Variants in UFL1 observed in about 807,000 individuals in gnomAD.
The protein encoded by UFL1 is UFM1 specific ligase 1.
Under a neutral mutation model 99.3 loss-of-function variants are expected in UFL1, and 78 were observed. The ratio of observed to expected loss-of-function variants is 0.79; its 90% CI spans 0.65 to 0.95. The LOEUF is 0.95. Among genes scored for constraint, UFL1 ranks in the 40% least tolerant of loss-of-function variants. The pLI is 0.00. For missense variants in UFL1, 936 were observed against 937.0 expected, an observed-to-expected ratio of 1.00 and a Z score of 0.01; for synonymous variants, 335 against 322.2, an observed-to-expected ratio of 1.04 and a Z score of -0.42.
intron 6 of UFL1, among the ~76,000 whole-genome samples, chr6:96,532,650 T>C (rs1252804115): frequency 3.3e-5 from 5 of 152,220 alleles, no homozygotes; most frequent in Non-Finnish European, 7.3e-5. Context: ...TCTTTCACTA[T>C]GTGATTTATT....
In UFL1 at chr6:96,551,861, T is replaced by C. The variant is rs745677131; in HGVS notation, c.1923T>C (p.Cys641=). 4.9e-5 allele frequency: 79 copies of C among 1,607,950 alleles called. No homozygotes were observed. The highest frequency in any genetic ancestry group is 1.7e-4 in the Middle Eastern group (1 of 6,026). The part of the protein sequence containing the change: ...NEKSIEDFIS[C]LDSAAEACDI... ...AGAGCATAGAAGACTTTATTTCTTG[T>C]CTGGATTCTGCAGCAGAAGCTTGTG... Residue 641 remains cysteine (C), a synonymous_variant, in exon 17 of 19, where the codon TGT becomes TGC. Transcript: ENST00000369278.
At chr6:96,547,810 G>T (rs367750612) in intron 12 of UFL1, among the ~76,000 whole-genome samples, 26 of 148,312 alleles carry the variant, frequency 1.8e-4, no homozygotes, top group East Asian at 1.2e-3. Context: ...AGGGAAGTTG[G>T]GGGGGGGCGG....
intron 6 of UFL1, among the ~76,000 whole-genome samples, chr6:96,529,996 A>G (rs531696473): frequency 1.4e-4 from 21 of 152,164 alleles, no homozygotes; most frequent in Non-Finnish European, 2.1e-4. Flanking sequence ...CTATATAACT[A>G]TAATACAGTC....
rs1024399284 is a variant in UFL1 at position 96,552,786 on chromosome 6, A to G, written c.2166+124A>G. On this transcript the variant is annotated intron_variant, in intron 18 of 18. Coordinates refer to ENST00000369278, the MANE Select transcript of UFL1 (RefSeq NM_015323.5). ...ACATTAACATCAAAGCCCATTTCCA[A>G]TAATGTGAACAGTGGATTAGGAGAT... 1.2e-5 allele frequency: 10 copies of G among 867,824 alleles called. No individual in the cohort carries two copies. The East Asian group carries it at 2.6e-4, about 23-fold the overall frequency. The allele number at this position is 867,824 out of a possible 1,614,324, so 53.8% of individuals were successfully genotyped here. A position where few individuals can be genotyped will look rare whatever the true frequency, so the allele number is the denominator to read the frequency against.
intron 4 of UFL1, among the ~76,000 whole-genome samples, chr6:96,525,772 G>A (rs920827042): frequency 6.6e-6 from 1 of 150,752 alleles, no homozygotes; most frequent in Admixed American, 6.6e-5. Flanking sequence ...AACGTAAAAC[G>A]TAACTTTTAC....
chr6:96,537,789 C>T (rs1396044455), intron 9 of UFL1, among the ~76,000 whole-genome samples: 1 of 151,872 alleles, frequency 6.6e-6, no homozygotes, highest in Non-Finnish European at 1.5e-5. Flanking sequence ...ATATAACACT[C>T]CTGTTAATCC....
In UFL1 at chr6:96,528,373, T is replaced by G. The variant is rs147879819; in HGVS notation, c.466-129T>G. Reference sequence around the variant, plus strand: ...TTTAGTTGATATATCTTGTAATCTATGCTTGTTGAAACTTCTCAATCACAT... The same window carrying G: ...TTTAGTTGATATATCTTGTAATCTAGGCTTGTTGAAACTTCTCAATCACAT... On this transcript the variant is annotated intron_variant, in intron 5 of 18. Coordinates refer to ENST00000369278, the MANE Select transcript of UFL1 (RefSeq NM_015323.5). 1.1e-5 allele frequency: 12 copies of G among 1,100,438 alleles called. No homozygotes were observed. In the East Asian group the frequency reaches 3.2e-4, roughly 29 times the overall value. The allele number at this position is 1,100,438 out of a possible 1,614,324, so 68.2% of individuals were successfully genotyped here. A position where few individuals can be genotyped will look rare whatever the true frequency, so the allele number is the denominator to read the frequency against.
At chr6:96,552,036 C>T (rs957930537) in intron 17 of UFL1, 113 bp downstream of exon 17, 1 of 669,240 alleles carries the variant, frequency 1.5e-6, no homozygotes. Context: ...CCTAATGTGT[C>T]TAATATATCT....
At chr6:96,528,761 T>A (rs1769738566) in intron 6 of UFL1, 129 bp downstream of exon 6, 3 of 1,180,436 alleles carry the variant, frequency 2.5e-6, no homozygotes, top group East Asian at 5.4e-5. Context: ...ATTAAACAGA[T>A]AAAAGGGCAG....
intron 18 of UFL1, 67 bp downstream of exon 18, chr6:96,552,729 G>A: frequency 1.4e-6 from 2 of 1,414,960 alleles, no homozygotes; most frequent in Admixed American, 2.5e-5. Flanking sequence ...AGTGGATTGA[G>A]ATGAATTACT....
chr6:96,526,267 CAG>C (rs1232470376), intron 4 of UFL1, 52 bp from the exon 5 acceptor site: 8 of 1,456,312 alleles, frequency 5.5e-6, no homozygotes, highest in Non-Finnish European at 7.6e-6. Context: ...AATGAGGAAA[CAG>C]AAAAAACATT....
In UFL1 at chr6:96,554,221, A is replaced by G. The variant is rs1582448626; in HGVS notation, c.*718A>G. On this transcript the variant is annotated 3_prime_UTR_variant, in exon 19 of 19. Coordinates refer to ENST00000369278, the MANE Select transcript of UFL1 (RefSeq NM_015323.5). Reference sequence around the variant, plus strand: ...CACATGCAATTTATTACCAGTAAGCATAAGTCATATTTAACATTGGAATAA... The same window carrying G: ...CACATGCAATTTATTACCAGTAAGCGTAAGTCATATTTAACATTGGAATAA... The G allele has an allele frequency of 6.6e-6, 1 of 152,360 alleles. No homozygotes were observed. The highest frequency in any genetic ancestry group is 2.4e-5 in the African/African-American group (1 of 41,590). The allele number at this position is 152,360 out of a possible 1,614,324, so 9.4% of individuals were successfully genotyped here.
Position 96,540,422 on chromosome 6 carries a change from A to C in UFL1, c.1159-113A>C, listed in dbSNP as rs1562254500. ...AGTGACAGCTCTGAAACAAAGCTCT[A>C]TAGTTCTAAGCAACAAAACCAAACA... On this transcript the variant is annotated intron_variant, in intron 10 of 18. Coordinates refer to ENST00000369278, the MANE Select transcript of UFL1 (RefSeq NM_015323.5). 2.3e-6 allele frequency: 3 copies of C among 1,328,000 alleles called. No individual in the cohort carries two copies. In the East Asian group the frequency reaches 7.7e-5, roughly 34 times the overall value. 82.3% of individuals were successfully genotyped at this position (1,328,000 alleles called of 1,614,324 possible).
Position 96,521,939 on chromosome 6 carries a change from G to T in UFL1, c.66G>T (p.Glu22Asp). The change falls in exon 1 of 19, where the codon GAG becomes GAT. Residue 22 changes from glutamate to aspartate, a missense_variant. Coordinates refer to ENST00000369278, the MANE Select transcript of UFL1 (RefSeq NM_015323.5). ...ACTTCCAGCGGGCGCAGTTCGCCGAGGCCACGCAGAGGTGCCCGACCCTCC... is the reference window on the plus strand; with the variant it reads ...ACTTCCAGCGGGCGCAGTTCGCCGATGCCACGCAGAGGTGCCCGACCCTCC... ...AADFQRAQFA[E>D]ATQRLSERNC... 1 of 1,612,270 alleles carries T rather than the reference G, an allele frequency of 6.2e-7. No homozygotes were observed. The highest frequency in any genetic ancestry group is 8.5e-7 in the Non-Finnish European group (1 of 1,179,446).
chr6:96,528,985 A>G (rs943961512), intron 6 of UFL1, among the ~76,000 whole-genome samples: 7 of 152,218 alleles, frequency 4.6e-5, no homozygotes, highest in African/African-American at 1.7e-4. Context: ...AATTTGGTTC[A>G]TAGCTTTATC....
chr6:96,546,096 A>ACACGATCATATACCTAGAAAGC (rs2127952751), intron 12 of UFL1, among the ~76,000 whole-genome samples: 1 of 151,376 alleles, frequency 6.6e-6, no homozygotes, highest in East Asian at 1.9e-4. Flanking sequence ...TTCTCTGATG[A>ACACGATCATATACCTAGAAAGC]CACGATCATA....
At position 96,552,545 on chromosome 6, in the gene UFL1, T is replaced by C; in HGVS notation, c.2049T>C (p.Ala683=). 6.2e-7 allele frequency: 1 copy of C among 1,612,864 alleles called. No individual in the cohort carries two copies. Among genetic ancestry groups the C allele is most frequent in the East Asian group, 2.2e-5 (1 of 44,800 alleles). The change falls in exon 18 of 19, where the codon GCT becomes GCC. Residue 683 remains alanine (A), a synonymous_variant. Transcript: ENST00000369278. ...AGCTAAAGGTCACAGAAGACCCTGC[T>C]CTTATTCTGCACCTCACATCAGTCC... is the stretch of plus-strand genomic sequence containing the variant. ...AEQLKVTEDP[A]LILHLTSVLL...
intron 10 of UFL1, among the ~76,000 whole-genome samples, chr6:96,539,333 C>G (rs1769899390): frequency 6.6e-6 from 1 of 151,592 alleles, no homozygotes; most frequent in African/African-American, 2.4e-5. Flanking sequence ...GTTAATGACT[C>G]TGTAGTTCAT....
intron 12 of UFL1, among the ~76,000 whole-genome samples, chr6:96,544,820 A>G (rs1257442047): frequency 6.6e-6 from 1 of 151,086 alleles, no homozygotes; most frequent in Admixed American, 6.6e-5. Flanking sequence ...ATCTTAAATA[A>G]TGGTTAAATG....
Sources: gnomAD v4.1 joint callset for allele counts (sites outside exome capture counted in the v4.1 genomes callset) on GRCh38, gnomAD v4.1.1 for gene constraint, MANE v1.5 for transcripts, NCBI Gene and HGNC (gene_info 2026-07-23, HGNC 2026-07-21) for gene names.